The following CDIN1 variants were observed in gnomAD, a reference collection of about 807,000 sequenced individuals.
CDIN1 encodes CDAN1-interacting nuclease 1.
A neutral mutation model predicts 45.3 loss-of-function variants in CDIN1; 33 were observed. The observed-to-expected ratio is 0.73, with a 90% confidence interval of 0.55 to 0.97. The LOEUF (loss-of-function observed/expected upper bound fraction) is 0.97, where lower values mean the gene tolerates loss of function less well. Among genes scored for constraint, CDIN1 ranks in the 50% least tolerant of loss-of-function variants. The pLI is 0.00. For missense variants in CDIN1, 303 were observed against 339.4 expected (o/e 0.89, Z 0.84); for synonymous variants, 118 against 124.4 (o/e 0.95, Z 0.34).
chr15:36,632,809 A>G (rs2039735189), intron 1 of CDIN1, among the ~76,000 whole-genome samples: 1 of 152,248 alleles, frequency 6.6e-6, no homozygotes, highest in East Asian at 1.9e-4. Flanking sequence ...AACATTTCTT[A>G]CAAATCTATT....
At chr15:36,692,710 T>C (rs1169548368) in intron 7 of CDIN1, among the ~76,000 whole-genome samples, 1 of 152,134 alleles carries the variant, frequency 6.6e-6, no homozygotes, top group Non-Finnish European at 1.5e-5. Context: ...TTTAGAGAAA[T>C]CAAGTTAATT....
intron 10 of CDIN1, among the ~76,000 whole-genome samples, chr15:36,788,081 T>C (rs971461250): frequency 1.1e-4 from 4 of 37,678 alleles, no homozygotes; most frequent in African/African-American, 2.3e-4. Flanking sequence ...TATACATATA[T>C]ATATATATAT....
At chr15:36,753,157 A>G (rs1422890012) in intron 10 of CDIN1, among the ~76,000 whole-genome samples, 1 of 152,176 alleles carries the variant, frequency 6.6e-6, no homozygotes, top group African/African-American at 2.4e-5. Context: ...GGGGTAAAGA[A>G]TTTCAGCAAT....
intron 1 of CDIN1, among the ~76,000 whole-genome samples, chr15:36,635,349 G>A (rs1253093830): frequency 1.3e-5 from 2 of 152,146 alleles, no homozygotes; most frequent in Admixed American, 6.5e-5. Flanking sequence ...TGAACAACAT[G>A]GGTTTGAACT....
At chr15:36,690,981 T>A (rs1014992153) in intron 5 of CDIN1, among the ~76,000 whole-genome samples, 13 of 152,116 alleles carry the variant, frequency 8.5e-5, no homozygotes, top group African/African-American at 3.1e-4. Context: ...CCCCCTCTTC[T>A]TCTATAGCAG....
intron 10 of CDIN1, among the ~76,000 whole-genome samples, chr15:36,785,724 C>T (rs1018787206): frequency 5.9e-5 from 9 of 152,132 alleles, no homozygotes; most frequent in South Asian, 2.1e-4. Context: ...TCAGGAGTTC[C>T]AATACTTTTT....
intron 10 of CDIN1, among the ~76,000 whole-genome samples, chr15:36,725,135 TC>T (rs113247675): frequency 3.3e-5 from 5 of 152,136 alleles, no homozygotes; most frequent in African/African-American, 1.2e-4. Flanking sequence ...GGTCTGACCT[TC>T]CTGCAACACC....
intron 10 of CDIN1, among the ~76,000 whole-genome samples, chr15:36,771,195 A>G (rs1335039385): frequency 6.6e-6 from 1 of 152,074 alleles, no homozygotes; most frequent in East Asian, 1.9e-4. Context: ...TATATATTGT[A>G]TACCCCAAGG....
intron 1 of CDIN1, among the ~76,000 whole-genome samples, chr15:36,602,937 G>A (rs1566825269): frequency 6.6e-6 from 1 of 151,766 alleles, no homozygotes; most frequent in Non-Finnish European, 1.5e-5. Context: ...GCAGTGAGCC[G>A]AGATCATGCC....
At chr15:36,637,769 TA>T (rs2140376028) in intron 1 of CDIN1, among the ~76,000 whole-genome samples, 1 of 152,314 alleles carries the variant, frequency 6.6e-6, no homozygotes, top group South Asian at 2.1e-4. Flanking sequence ...ACACTTAAAT[TA>T]ACATGGCTAA....
intron 1 of CDIN1, among the ~76,000 whole-genome samples, chr15:36,625,003 T>A (rs190309874): frequency 1.6e-4 from 25 of 152,172 alleles, no homozygotes; most frequent in Admixed American, 5.2e-4. Flanking sequence ...TTAGGCTGGG[T>A]GTGGTGGCTC....
intron 3 of CDIN1, among the ~76,000 whole-genome samples, chr15:36,651,470 A>G (rs767197983): frequency 2.6e-5 from 4 of 152,374 alleles, no homozygotes; most frequent in Non-Finnish European, 2.9e-5. Context: ...TGAAAATTTA[A>G]ATAGAGCCTG....
At chr15:36,756,120 G>T (rs1290554047) in intron 10 of CDIN1, 1 of 455,850 alleles carries the variant, frequency 2.2e-6, no homozygotes, top group East Asian at 6.9e-5. Context: ...AGCTTTATTG[G>T]TTTATATGGT....
At position 36,709,853 on chromosome 15, in the gene CDIN1, T is replaced by C; in HGVS notation, c.611-3T>C. The C allele has an allele frequency of 6.2e-7, 1 of 1,611,664 alleles. No individual in the cohort carries two copies. The highest frequency in any genetic ancestry group is 8.5e-7 in the Non-Finnish European group (1 of 1,177,914). On this transcript the variant is annotated splice_region_variant and splice_polypyrimidine_tract_variant and intron_variant, in intron 9 of 10. Transcript: ENST00000566621. The stretch of plus-strand genomic sequence containing the variant: ...CGTATATTAGTAATGCTTTGTCCCT[T>C]AGCTGTAGAAGGGCACATAATTCAC...
chr15:36,665,618 C>G (rs947527072), intron 5 of CDIN1, among the ~76,000 whole-genome samples: 2 of 152,160 alleles, frequency 1.3e-5, no homozygotes, highest in Non-Finnish European at 2.9e-5. Context: ...GGTTTATCCA[C>G]AACCTGAAGA....
At chr15:36,741,983 A>T (rs996855587) in intron 10 of CDIN1, among the ~76,000 whole-genome samples, 5 of 152,170 alleles carry the variant, frequency 3.3e-5, no homozygotes, top group African/African-American at 1.2e-4. Context: ...TGGTTTATTT[A>T]AATACTTAAA....
rs766340885 is a variant in CDIN1 at position 36,714,916 on chromosome 15, C to T, written c.716+4955C>T. ...GTGGCCTAGAAACTGGTTGAGGGAA[C>T]AGGTGTCAGATGGGGATGTTTCCTT... On this transcript the variant is annotated intron_variant, in intron 10 of 10. Transcript: ENST00000566621. 2.4e-4 allele frequency among the ~76,000 whole-genome samples: 36 copies of T among 152,150 alleles called. 1 individual carries two copies. Among genetic ancestry groups the T allele is most frequent in the Admixed American group, 2.4e-3 (36 of 15,276 alleles).
chr15:36,613,424 A>G (rs971258387), intron 1 of CDIN1: 2 of 1,412,174 alleles, frequency 1.4e-6, no homozygotes, highest in Non-Finnish European at 2.0e-6. Flanking sequence ...TGCAACGCTG[A>G]GTGGAGGAGG....
intron 10 of CDIN1, among the ~76,000 whole-genome samples, chr15:36,753,896 T>G (rs760977386): frequency 4.0e-5 from 6 of 151,642 alleles, no homozygotes; most frequent in Middle Eastern, 3.2e-3. Context: ...AACATGAAAG[T>G]CTAGATACAA....
Sources: allele counts gnomAD v4.1 joint callset (sites outside exome capture counted in the v4.1 genomes callset), GRCh38; gene constraint gnomAD v4.1.1; transcripts MANE v1.5; gene names NCBI Gene and HGNC (gene_info 2026-07-23, HGNC 2026-07-21).